Variants in STK24 observed in about 807,000 individuals in gnomAD.
STK24 encodes serine/threonine kinase 24.
A neutral mutation model predicts 55.6 loss-of-function variants in STK24; 21 were observed. The observed-to-expected ratio is 0.38, with a 90% confidence interval of 0.27 to 0.54. The LOEUF (loss-of-function observed/expected upper bound fraction) is 0.54. Ranked by LOEUF, STK24 falls within the 20% of genes least tolerant of loss-of-function variation. STK24 has a pLI of 0.79. For synonymous variants in STK24, 200 were observed against 215.2 expected, an observed-to-expected ratio of 0.93 and a Z score of 0.62; for missense variants, 383 against 538.4, an observed-to-expected ratio of 0.71 and a Z score of 2.86.
Position 98,445,795 on chromosome 13 carries a change from C to T in STK24, c.*7378G>A, listed in dbSNP as rs76867828. 666 of 261,064 alleles carry T rather than the reference C, an allele frequency of 2.6e-3. 3 individuals are homozygous for T. The highest frequency in any genetic ancestry group is 0.014 in the African/African-American group (618 of 44,382). 16.2% of individuals were successfully genotyped at this position (261,064 alleles called of 1,614,324 possible). On this transcript the variant is annotated 3_prime_UTR_variant, in exon 11 of 11. Transcript: ENST00000539966. ...TGTGATCTCGTCTTCACTAGTTACC[C>T]TGCAACGAGCCTATTTCCAAATAAG... is the stretch of plus-strand genomic sequence containing the variant.
At chr13:98,460,011 C>G (rs577988488) in intron 9 of STK24, among the ~76,000 whole-genome samples, 1 of 152,308 alleles carries the variant, frequency 6.6e-6, no homozygotes, top group East Asian at 1.9e-4. Context: ...GGGCATCCAA[C>G]GTCTCCTTAG....
chr13:98,549,499 T>G (rs972118872), intron 1 of STK24, among the ~76,000 whole-genome samples: 1 of 152,062 alleles, frequency 6.6e-6, no homozygotes, highest in African/African-American at 2.4e-5. Flanking sequence ...ATCATGGGGG[T>G]GGATCCCTCG....
At chr13:98,455,155 T>C (rs950664952) in intron 10 of STK24, 15 of 152,232 alleles carry the variant, frequency 9.9e-5, no homozygotes, top group African/African-American at 3.6e-4. Context: ...AAATAATACT[T>C]TGGATCTGGC....
In STK24 at chr13:98,448,904, G is replaced by GCTTGTTGGGATGGATCCCAACAAGTTTCA. The variant is rs1183512684; in HGVS notation, c.*4268_*4269insTGAAACTTGTTGGGATCCATCCCAACAAG. 6.6e-6 allele frequency: 1 copy of GCTTGTTGGGATGGATCCCAACAAGTTTCA among 152,100 alleles called. No individual in the cohort carries two copies. The highest frequency in any genetic ancestry group is 1.5e-5 in the Non-Finnish European group (1 of 68,054). The allele number at this position is 152,100 out of a possible 1,614,324, so 9.4% of individuals were successfully genotyped here. ...TTGCAGCACACAGCGTTCCACTGCG[G>GCTTGTTGGGATGGATCCCAACAAGTTTCA]GGTTTCACGCTCACCTGAAAACACC... On this transcript the variant is annotated 3_prime_UTR_variant, in exon 11 of 11. Transcript: ENST00000539966.
intron 1 of STK24, among the ~76,000 whole-genome samples, chr13:98,550,771 G>A (rs1012453011): frequency 6.6e-6 from 1 of 152,160 alleles, no homozygotes; most frequent in Non-Finnish European, 1.5e-5. Flanking sequence ...CTCTTGTTTA[G>A]TTCCAGATGC....
At chr13:98,563,859 CAAAA>C (rs1366378656) in intron 1 of STK24, among the ~76,000 whole-genome samples, 2 of 83,096 alleles carry the variant, frequency 2.4e-5, no homozygotes. Context: ...GACTCCGTCT[CAAAA>C]AAAAAAAAAA....
intron 1 of STK24, among the ~76,000 whole-genome samples, chr13:98,575,308 C>T (rs1333819488): frequency 6.6e-6 from 1 of 151,984 alleles, no homozygotes; most frequent in Admixed American, 6.6e-5. Flanking sequence ...AAGCATCTTC[C>T]CAGTCACTCT....
At chr13:98,483,937 A>G (rs1894702207) in intron 2 of STK24, among the ~76,000 whole-genome samples, 1 of 152,278 alleles carries the variant, frequency 6.6e-6, no homozygotes, top group Non-Finnish European at 1.5e-5. Context: ...TGTATGTTGA[A>G]TGCTTTTCAA....
At chr13:98,460,877 TA>T (rs138653586) in intron 8 of STK24, among the ~76,000 whole-genome samples, 1,479 of 144,002 alleles carry the variant, frequency 0.01, 15 homozygotes, top group African/African-American at 0.029. Flanking sequence ...ATGTTTCTAT[TA>T]AAAAAAAAAA....
chr13:98,507,560 C>G lies in STK24; in HGVS notation c.273+11683G>C, dbSNP rs1594622574. On this transcript the variant is annotated intron_variant, in intron 2 of 10. Transcript: ENST00000539966. Reference sequence around the variant, plus strand: ...CCTTTCCAGCTCTAATTATCTTTGGCTCTGATTTCTCTGACTTTACACAAG... The same window carrying G: ...CCTTTCCAGCTCTAATTATCTTTGGGTCTGATTTCTCTGACTTTACACAAG... Among the ~76,000 whole-genome samples the G allele has an allele frequency of 2.0e-5, 3 of 152,342 alleles. No individual in the cohort carries two copies. In the Middle Eastern group the frequency reaches 0.01, roughly 518 times the overall value.
chr13:98,576,359 A>C, intron 1 of STK24: 1 of 355,592 alleles, frequency 2.8e-6, no homozygotes, highest in Non-Finnish European at 3.9e-6. Context: ...CCCGGCCACC[A>C]CGCAGGGCCC....
intron 3 of STK24, among the ~76,000 whole-genome samples, chr13:98,476,564 A>G (rs1426346454): frequency 2.6e-5 from 4 of 152,238 alleles, no homozygotes; most frequent in Non-Finnish European, 4.4e-5. Flanking sequence ...CCTCCACAGG[A>G]AGCATCCGAC....
At chr13:98,534,785 C>T (rs942560287) in intron 1 of STK24, among the ~76,000 whole-genome samples, 9 of 152,342 alleles carry the variant, frequency 5.9e-5, no homozygotes, top group Admixed American at 2.0e-4. Flanking sequence ...CCCAACCAAT[C>T]AGCATTCCCC....
At chr13:98,521,779 C>T in intron 1 of STK24, 1 of 781,116 alleles carries the variant, frequency 1.3e-6, no homozygotes, top group South Asian at 1.3e-5. Context: ...CCTTACCGTG[C>T]TCCCTCCAGG....
intron 2 of STK24, among the ~76,000 whole-genome samples, chr13:98,497,376 ATT>A: frequency 6.6e-6 from 1 of 152,344 alleles, no homozygotes; most frequent in Admixed American, 6.5e-5. Context: ...TATGAACAAA[ATT>A]TATAAGGCAC....
intron 1 of STK24, among the ~76,000 whole-genome samples, chr13:98,548,887 T>TA (rs1171721424): frequency 2.3e-5 from 2 of 87,552 alleles, no homozygotes; most frequent in African/African-American, 9.9e-5. Flanking sequence ...AAAAAAAAAA[T>TA]AGAGTAAATG....
At chr13:98,475,066 G>A (rs998628795) in intron 4 of STK24, 88 bp from the exon 5 acceptor site, 3 of 1,495,692 alleles carry the variant, frequency 2.0e-6, no homozygotes, top group Non-Finnish European at 2.7e-6. Context: ...TGGCTGGGTG[G>A]CGAACCCACC....
rs185938603 is a variant in STK24 at position 98,519,168 on chromosome 13, A to C, written c.273+75T>G. 70 of 1,204,030 alleles carry C rather than the reference A, an allele frequency of 5.8e-5. No homozygotes were observed. The Middle Eastern group carries it at 1.1e-3, about 19-fold the overall frequency. 74.6% of individuals were successfully genotyped at this position (1,204,030 alleles called of 1,614,324 possible). ...GAAACCTGCTGTGCTTTGTCCTATC[A>C]GAGTCCTTCCCATTCCCTGCTGGCA... On this transcript the variant is annotated intron_variant, in intron 2 of 10. Transcript: ENST00000539966.
intron 3 of STK24, among the ~76,000 whole-genome samples, chr13:98,480,792 T>C (rs1396519550): frequency 6.6e-6 from 1 of 152,284 alleles, no homozygotes; most frequent in Non-Finnish European, 1.5e-5. Context: ...TTTTGCTATG[T>C]GGCCCAGGCC....
Sources: allele counts gnomAD v4.1 joint callset (sites outside exome capture counted in the v4.1 genomes callset), GRCh38; gene constraint gnomAD v4.1.1; transcripts MANE v1.5; gene names NCBI Gene and HGNC (gene_info 2026-07-23, HGNC 2026-07-21).